CPED1: variants seen among roughly 807,000 people sequenced by gnomAD.
CPED1 encodes cadherin like and PC-esterase domain containing 1.
Under a neutral mutation model 128.2 loss-of-function variants are expected in CPED1, and 114 were observed. The observed-to-expected ratio is 0.89, with a 90% CI of 0.76 to 1.04. The LOEUF (loss-of-function observed/expected upper bound fraction) is 1.04. Among genes scored for constraint, CPED1 ranks in the 50% least tolerant of loss-of-function variants. The pLI, the probability that CPED1 is intolerant of heterozygous loss-of-function variation, is 0.00. For missense variants in CPED1, 1,211 were observed against 1,207.1 expected, an observed-to-expected ratio of 1.00 and a Z score of -0.05; for synonymous variants, 462 against 426.7, an observed-to-expected ratio of 1.08 and a Z score of -1.02.
intron 5 of CPED1, among the ~76,000 whole-genome samples, chr7:121,074,218 A>G (rs778796313): frequency 1.3e-5 from 2 of 152,056 alleles, no homozygotes; most frequent in African/African-American, 2.4e-5. Flanking sequence ...TCCAATGTGA[A>G]AAGAACTTTA....
At chr7:121,076,710 C>A (rs1217078264) in intron 5 of CPED1, 1 of 152,122 alleles carries the variant, frequency 6.6e-6, no homozygotes, top group African/African-American at 2.4e-5. Context: ...GATTAGCTCT[C>A]TGGGAAGTGT....
chr7:121,266,662 TTC>T (rs751497225), intron 19 of CPED1, 43 bp from the exon 20 acceptor site: 35 of 1,463,832 alleles, frequency 2.4e-5, no homozygotes, highest in Non-Finnish European at 3.2e-5. Context: ...AATGTTTACC[TTC>T]TGTTTTAGGG....
intron 16 of CPED1, among the ~76,000 whole-genome samples, chr7:121,173,486 A>G (rs1796702249): frequency 1.3e-5 from 2 of 152,090 alleles, no homozygotes; most frequent in Non-Finnish European, 2.9e-5. Context: ...GCTCCCACTT[A>G]TAAGTGAGAA....
intron 7 of CPED1, among the ~76,000 whole-genome samples, chr7:121,102,132 T>C (rs1047946222): frequency 2.0e-5 from 3 of 152,196 alleles, no homozygotes; most frequent in Non-Finnish European, 2.9e-5. Flanking sequence ...ATTTCCTCTT[T>C]GTTCTTTTTA....
intron 5 of CPED1, among the ~76,000 whole-genome samples, chr7:121,076,843 T>C (rs73723412): frequency 0.012 from 1,861 of 152,186 alleles, 43 homozygotes; most frequent in African/African-American, 0.042. Context: ...GTGTATGATA[T>C]ATGGCCAGAA....
rs761431894 is a variant in CPED1, at chr7:121,266,741, T to C, written c.2566T>C (p.Leu856=). The C allele has an allele frequency of 6.2e-7, 1 of 1,612,966 alleles. No individual in the cohort carries two copies. The highest frequency in any genetic ancestry group is 2.2e-5 in the East Asian group (1 of 44,828). The change falls in exon 20 of 23, where the codon TTG becomes CTG. Residue 856 remains leucine (L), a synonymous_variant. Coordinates refer to ENST00000310396, the MANE Select transcript of CPED1 (RefSeq NM_024913.5). ...RPLENTGQTV[L]VVGGVQWLNS... is the part of the protein sequence containing the mutation. ...CCTAGAGAATACTGGCCAGACTGTA[T>C]TGGTTGTTGGTGGTGTTCAGTGGCT...
chr7:121,051,910 G>A (rs981680298), intron 4 of CPED1: 1 of 156,248 alleles, frequency 6.4e-6, no homozygotes, highest in African/African-American at 2.4e-5. Flanking sequence ...TACAATACGT[G>A]GCTTTTTAGA....
chr7:121,036,489 GTA>G (rs144901835), intron 3 of CPED1, among the ~76,000 whole-genome samples: 22 of 138,650 alleles, frequency 1.6e-4, no homozygotes, highest in African/African-American at 4.0e-4. Context: ...CATGGTGTGT[GTA>G]TATATATATA....
At chr7:121,126,943 T>A (rs1795518524) in intron 9 of CPED1, 147 bp from the exon 10 acceptor site, 1 of 512,418 alleles carries the variant, frequency 2.0e-6, no homozygotes, top group Non-Finnish European at 3.3e-6. Context: ...TTACTCACAT[T>A]TATAAAACTG....
At chr7:121,221,311 G>A (rs1310696474) in intron 16 of CPED1, among the ~76,000 whole-genome samples, 4 of 152,174 alleles carry the variant, frequency 2.6e-5, no homozygotes, top group African/African-American at 9.7e-5. Flanking sequence ...TTTAATGGCT[G>A]CATAGTATTC....
chr7:121,049,269 C>T (rs940498592), intron 4 of CPED1, among the ~76,000 whole-genome samples: 3 of 152,120 alleles, frequency 2.0e-5, no homozygotes, highest in Non-Finnish European at 2.9e-5. Flanking sequence ...TACACTGGGT[C>T]GTAAGAGGGA....
intron 2 of CPED1, among the ~76,000 whole-genome samples, chr7:121,005,872 G>A (rs1227186681): frequency 6.6e-6 from 1 of 152,186 alleles, no homozygotes; most frequent in African/African-American, 2.4e-5. Context: ...AGCACAAAAA[G>A]TAGATGGAAG....
chr7:121,177,372 C>T (rs1267542647), intron 16 of CPED1, among the ~76,000 whole-genome samples: 1 of 151,984 alleles, frequency 6.6e-6, no homozygotes, highest in Non-Finnish European at 1.5e-5. Context: ...CTTGCCTACT[C>T]ACCATGTTTC....
chr7:121,097,211 T>C (rs1389833953), intron 5 of CPED1, among the ~76,000 whole-genome samples: 1 of 152,220 alleles, frequency 6.6e-6, no homozygotes, highest in African/African-American at 2.4e-5. Context: ...ATAATTAATA[T>C]TTTATAAGAC....
At chr7:121,090,276 A>C (rs1294308462) in intron 5 of CPED1, among the ~76,000 whole-genome samples, 3 of 152,140 alleles carry the variant, frequency 2.0e-5, no homozygotes, top group African/African-American at 7.2e-5. Context: ...TGATCTGGCC[A>C]CTTTTATGGG....
At chr7:121,027,586 C>T (rs542276195) in intron 3 of CPED1, among the ~76,000 whole-genome samples, 1 of 152,064 alleles carries the variant, frequency 6.6e-6, no homozygotes, top group South Asian at 2.1e-4. Flanking sequence ...GAAATGTGCT[C>T]AGGGCTGTGT....
chr7:121,000,817 A>T (rs970435858), intron 2 of CPED1, among the ~76,000 whole-genome samples: 1 of 152,184 alleles, frequency 6.6e-6, no homozygotes, highest in Admixed American at 6.5e-5. Context: ...TTCCAGCTTT[A>T]TCCTAGCTAT....
intron 5 of CPED1, among the ~76,000 whole-genome samples, chr7:121,079,195 T>C (rs895584733): frequency 1.3e-5 from 2 of 152,112 alleles, no homozygotes; most frequent in Non-Finnish European, 2.9e-5. Context: ...ATTTGGCTCA[T>C]AGCAGCCAGG....
intron 2 of CPED1, among the ~76,000 whole-genome samples, chr7:120,998,662 G>C (rs1796450826): frequency 6.6e-6 from 1 of 152,118 alleles, no homozygotes; most frequent in Non-Finnish European, 1.5e-5. Flanking sequence ...TGAAAGCTTT[G>C]TTGAGTTTCT....
Sources: gnomAD v4.1 joint callset for allele counts (sites outside exome capture counted in the v4.1 genomes callset) on GRCh38, gnomAD v4.1.1 for gene constraint, MANE v1.5 for transcripts, NCBI Gene and HGNC (gene_info 2026-07-23, HGNC 2026-07-21) for gene names.